Variants in KCNN2 observed in about 807,000 individuals in gnomAD.
The protein encoded by KCNN2 is small conductance calcium-activated potassium channel protein 2.
KCNN2 carries 24 observed loss-of-function variants against 55.5 expected under a neutral mutation model. The ratio of observed to expected loss-of-function variants is 0.43; its 90% CI spans 0.31 to 0.61. The LOEUF (loss-of-function observed/expected upper bound fraction) is 0.61. Ranked by LOEUF, KCNN2 falls within the 20% of genes least tolerant of loss-of-function variation. KCNN2 has a pLI of 0.08. For missense variants in KCNN2, 754 were observed against 853.6 expected (o/e 0.88, Z 1.45); for synonymous variants, 431 against 336.1 (o/e 1.28, Z -3.09).
chr5:114,322,576 T>TACACACACACAC (rs113249707), intron 2 of KCNN2, among the ~76,000 whole-genome samples: 49 of 148,718 alleles, frequency 3.3e-4, no homozygotes, highest in Middle Eastern at 3.4e-3. Flanking sequence ...CACTCCCCCA[T>TACACACACACAC]ACACACACAC....
At chr5:114,295,813 A>C (rs764497228) in intron 2 of KCNN2, among the ~76,000 whole-genome samples, 4 of 152,202 alleles carry the variant, frequency 2.6e-5, no homozygotes, top group Non-Finnish European at 4.4e-5. Flanking sequence ...GGAGCTGTAG[A>C]CTGGAGCTGT....
At chr5:114,421,226 C>T (rs1248899699) in intron 3 of KCNN2, among the ~76,000 whole-genome samples, 1 of 146,190 alleles carries the variant, frequency 6.8e-6, no homozygotes, top group Non-Finnish European at 1.5e-5. Context: ...TGAAATTTTA[C>T]AAAAAAAAAA....
intron 1 of KCNN2, among the ~76,000 whole-genome samples, chr5:114,195,893 G>A (rs1012148052): frequency 3.9e-5 from 6 of 151,974 alleles, no homozygotes; most frequent in Non-Finnish European, 7.4e-5. Flanking sequence ...TTTATCATGA[G>A]TGAGTATTGG....
intron 1 of KCNN2, among the ~76,000 whole-genome samples, chr5:114,171,321 A>T (rs1013288031): frequency 4.6e-5 from 7 of 152,006 alleles, no homozygotes. Flanking sequence ...CTCATAGGTA[A>T]CATGCCTTCT....
intron 2 of KCNN2, among the ~76,000 whole-genome samples, chr5:114,283,949 C>T (rs1399369278): frequency 6.6e-6 from 1 of 152,182 alleles, no homozygotes; most frequent in Non-Finnish European, 1.5e-5. Flanking sequence ...CCCAAGAGGT[C>T]AGCTTGCCTT....
intron 2 of KCNN2, among the ~76,000 whole-genome samples, chr5:114,355,302 C>G (rs887123895): frequency 2.6e-5 from 4 of 152,214 alleles, no homozygotes; most frequent in African/African-American, 9.6e-5. Context: ...GGGCTGTGAT[C>G]AGGAAACGAG....
Position 114,106,595 on chromosome 5 carries a change from C to T in KCNN2, c.-271+50095C>T, listed in dbSNP as rs1751487048. ...ATGGATATCATGTTTTGTTGTTGCTCTAATTTGGATATTCCTGGTGACTAA... is the reference window on the plus strand; with the variant it reads ...ATGGATATCATGTTTTGTTGTTGCTTTAATTTGGATATTCCTGGTGACTAA... On this transcript the variant is annotated intron_variant, in intron 1 of 10. Transcript: ENST00000512097. Among the ~76,000 whole-genome samples, 5 of 132,856 alleles carry T rather than the reference C, an allele frequency of 3.8e-5. No individual in the cohort carries two copies. In the South Asian group the frequency reaches 9.2e-4, roughly 25 times the overall value. 87.2% of individuals were successfully genotyped at this position (132,856 alleles called of 152,430 possible).
chr5:114,366,795 G>A (rs11745315), intron 2 of KCNN2, among the ~76,000 whole-genome samples: 2,856 of 152,242 alleles, frequency 0.019, 32 homozygotes, highest in Middle Eastern at 0.068. Flanking sequence ...CTCAGCTCAC[G>A]CTAAATAATT....
intron 3 of KCNN2, among the ~76,000 whole-genome samples, chr5:114,447,667 T>A (rs1159234896): frequency 2.0e-5 from 3 of 152,158 alleles, no homozygotes; most frequent in Admixed American, 6.5e-5. Flanking sequence ...GATTCCTGCA[T>A]TACCTATGGG....
rs549064840 is a variant in KCNN2 at position 114,097,235 on chromosome 5, T to C, written c.-271+40735T>C. On this transcript the variant is annotated intron_variant, in intron 1 of 10. Coordinates refer to the KCNN2 transcript ENST00000512097. The stretch of plus-strand genomic sequence containing the variant: ...TATAGGTCCAATCTTAGTTTTCACA[T>C]GATGGAAAGTAATCATGGTTGGGGA... Among the ~76,000 whole-genome samples the C allele has an allele frequency of 2.6e-5, 4 of 152,358 alleles. No individual in the cohort carries two copies. The South Asian group carries it at 8.3e-4, about 32-fold the overall frequency.
chr5:114,463,489 T>C (rs6889552), intron 4 of KCNN2, among the ~76,000 whole-genome samples: 30 of 152,384 alleles, frequency 2.0e-4, no homozygotes, highest in African/African-American at 6.3e-4. Flanking sequence ...CCTTTAAGAC[T>C]GTGTCCTCCC....
chr5:114,462,686 A>G (rs1290033964), intron 3 of KCNN2, among the ~76,000 whole-genome samples: 1 of 152,144 alleles, frequency 6.6e-6, no homozygotes, highest in Non-Finnish European at 1.5e-5. Context: ...GTGTGGAGTG[A>G]GATTGGGCAG....
chr5:114,379,151 G>C (rs1024390354), intron 2 of KCNN2, among the ~76,000 whole-genome samples: 3 of 151,884 alleles, frequency 2.0e-5, no homozygotes, highest in African/African-American at 7.3e-5. Context: ...AGACCTCCTA[G>C]TGGTAGCTGA....
At chr5:114,290,155 A>G (rs1465076136) in intron 2 of KCNN2, among the ~76,000 whole-genome samples, 1 of 152,106 alleles carries the variant, frequency 6.6e-6, no homozygotes, top group East Asian at 1.9e-4. Flanking sequence ...TATTCTGTTA[A>G]TTTGGAATAG....
rs6896841 is a variant in KCNN2 at position 114,403,580 on chromosome 5, C to G, written c.1219-858C>G. 7.4e-3 allele frequency among the ~76,000 whole-genome samples: 1,131 copies of G among 152,262 alleles called. 18 individuals are homozygous for G. Among genetic ancestry groups the G allele is most frequent in the African/African-American group, 0.025 (1,033 of 41,538 alleles). On this transcript the variant is annotated intron_variant, in intron 2 of 7. Transcript: ENST00000673685. Reference sequence around the variant, plus strand: ...CAGTCAGAAAAGCCATCACACATTTCCAAATGCTTCTGGTTGTCTCTAGAC... The same window carrying G: ...CAGTCAGAAAAGCCATCACACATTTGCAAATGCTTCTGGTTGTCTCTAGAC...
chr5:114,306,422 C>T (rs1038998062), intron 2 of KCNN2, among the ~76,000 whole-genome samples: 1 of 152,186 alleles, frequency 6.6e-6, no homozygotes, highest in Admixed American at 6.5e-5. Flanking sequence ...CTCTGCAATT[C>T]TGGAACATGA....
At chr5:114,384,483 G>A (rs936733858) in intron 2 of KCNN2, among the ~76,000 whole-genome samples, 40 of 152,270 alleles carry the variant, frequency 2.6e-4, no homozygotes, top group African/African-American at 8.9e-4. Flanking sequence ...ATAAAATCTC[G>A]ATGTTATCTT....
chr5:114,114,665 G>A (rs142462777), intron 1 of KCNN2, among the ~76,000 whole-genome samples: 137 of 152,214 alleles, frequency 9.0e-4, no homozygotes, highest in Non-Finnish European at 1.6e-3. Context: ...TCTGGAACTG[G>A]AAACTGGATT....
chr5:114,468,921 A>T (rs1391103186), intron 4 of KCNN2, among the ~76,000 whole-genome samples: 1 of 152,190 alleles, frequency 6.6e-6, no homozygotes. Flanking sequence ...ATTTAGGGCA[A>T]AAATGTGTCA....
Sources: gnomAD v4.1 joint callset for allele counts (sites outside exome capture counted in the v4.1 genomes callset) on GRCh38, gnomAD v4.1.1 for gene constraint, MANE v1.5 for transcripts, NCBI Gene and HGNC (gene_info 2026-07-23, HGNC 2026-07-21) for gene names.